Variants in CDH8 observed in about 807,000 individuals in gnomAD.
The protein encoded by CDH8 is cadherin 8, also known as cadherin-8.
CDH8 carries 17 observed loss-of-function variants against 68.1 expected under a neutral mutation model. That is an observed-to-expected ratio of 0.25 (90% CI 0.17 to 0.37). The LOEUF (loss-of-function observed/expected upper bound fraction) is 0.37. Among genes scored for constraint, CDH8 ranks in the 10% least tolerant of loss-of-function variants. The pLI, the probability that CDH8 is intolerant of heterozygous loss-of-function variation, is 1.00. For missense variants in CDH8, 763 were observed against 999.3 expected, an observed-to-expected ratio of 0.76 and a Z score of 3.19; for synonymous variants, 372 against 365.1, an observed-to-expected ratio of 1.02 and a Z score of -0.21.
At chr16:62,033,766 C>A (rs572254112) in intron 1 of CDH8, among the ~76,000 whole-genome samples, 1 of 151,982 alleles carries the variant, frequency 6.6e-6, no homozygotes, top group Admixed American at 6.6e-5. Context: ...TGAACTGCCA[C>A]GGAAGGGCTC....
At chr16:61,763,925 A>T (rs1960528147) in intron 8 of CDH8, among the ~76,000 whole-genome samples, 1 of 152,186 alleles carries the variant, frequency 6.6e-6, no homozygotes, top group Admixed American at 6.6e-5. Flanking sequence ...TTCATTAATA[A>T]TAGTTAACAA....
At chr16:61,743,247 A>C (rs541152223) in intron 8 of CDH8, 1 of 152,140 alleles carries the variant, frequency 6.6e-6, no homozygotes, top group Non-Finnish European at 1.5e-5. Context: ...GAAGCTTGAG[A>C]CCGTGTCTGA....
intron 2 of CDH8, among the ~76,000 whole-genome samples, chr16:61,976,240 T>C (rs986498194): frequency 5.9e-5 from 9 of 152,228 alleles, no homozygotes; most frequent in Non-Finnish European, 2.9e-5. Flanking sequence ...TCTCTGACTC[T>C]TAGCTTGCAA....
At chr16:61,929,390 A>T (rs1385377359) in intron 2 of CDH8, among the ~76,000 whole-genome samples, 1 of 152,166 alleles carries the variant, frequency 6.6e-6, no homozygotes, top group Non-Finnish European at 1.5e-5. Flanking sequence ...CAAAACAAAA[A>T]TCTGACTACA....
chr16:62,005,751 A>G (rs1356828482), intron 2 of CDH8, among the ~76,000 whole-genome samples: 1 of 150,222 alleles, frequency 6.7e-6, no homozygotes, highest in East Asian at 2.0e-4. Context: ...AAAAAAAAAA[A>G]AAAAAACATT....
At chr16:61,944,708 G>A (rs1223242662) in intron 2 of CDH8, among the ~76,000 whole-genome samples, 2 of 152,116 alleles carry the variant, frequency 1.3e-5, no homozygotes, top group African/African-American at 4.8e-5. Flanking sequence ...TTAAGAGCTG[G>A]AGGCAGAAGA....
chr16:61,755,496 A>G (rs955926680), intron 8 of CDH8, among the ~76,000 whole-genome samples: 1 of 152,136 alleles, frequency 6.6e-6, no homozygotes, highest in African/African-American at 2.4e-5. Context: ...TCAGTTAAAT[A>G]TTTCAAAATA....
chr16:61,772,717 C>T (rs1012028289), intron 8 of CDH8, among the ~76,000 whole-genome samples: 12 of 151,970 alleles, frequency 7.9e-5, no homozygotes, highest in East Asian at 7.7e-4. Flanking sequence ...ATTAAGACTG[C>T]GGGGATTATA....
chr16:61,855,321 T>C (rs1419049290), intron 4 of CDH8, among the ~76,000 whole-genome samples: 1 of 152,192 alleles, frequency 6.6e-6, no homozygotes, highest in African/African-American at 2.4e-5. Context: ...CTGAAACTTA[T>C]AATTGTCCAA....
At chr16:61,850,045 T>C (rs1821723) in intron 4 of CDH8, among the ~76,000 whole-genome samples, 31,216 of 152,016 alleles carry the variant, frequency 0.21, 3,540 homozygotes, top group African/African-American at 0.31. Context: ...TGGACTTATA[T>C]ACTATCCATT....
At chr16:61,891,873 G>T (rs566724377) in intron 3 of CDH8, among the ~76,000 whole-genome samples, 1 of 152,170 alleles carries the variant, frequency 6.6e-6, no homozygotes, top group Admixed American at 6.5e-5. Context: ...TTCCCACTTT[G>T]CATCTCTCCT....
chr16:61,849,179 T>A (rs527242787), intron 4 of CDH8, among the ~76,000 whole-genome samples: 12 of 152,160 alleles, frequency 7.9e-5, no homozygotes, highest in Admixed American at 7.2e-4. Context: ...AAAACAATAA[T>A]AGTATCATAT....
At chr16:61,898,044 G>A (rs1963900194) in intron 3 of CDH8, among the ~76,000 whole-genome samples, 1 of 152,120 alleles carries the variant, frequency 6.6e-6, no homozygotes, top group African/African-American at 2.4e-5. Flanking sequence ...GTTCACAACT[G>A]TAATCCCAGC....
intron 4 of CDH8, among the ~76,000 whole-genome samples, chr16:61,828,419 G>A (rs1962389311): frequency 6.6e-6 from 1 of 151,778 alleles, no homozygotes; most frequent in Non-Finnish European, 1.5e-5. Flanking sequence ...GACTTGCCCT[G>A]ACTTCTTTCT....
At chr16:61,813,469 G>A (rs976033157) in intron 7 of CDH8, among the ~76,000 whole-genome samples, 1 of 152,152 alleles carries the variant, frequency 6.6e-6, no homozygotes, top group African/African-American at 2.4e-5. Flanking sequence ...TCTCCGGCCT[G>A]CCCCGCAAGT....
chr16:61,799,678 A>G (rs1028604487), intron 7 of CDH8, among the ~76,000 whole-genome samples: 6 of 152,196 alleles, frequency 3.9e-5, no homozygotes. Context: ...CCATTTTGGT[A>G]AAAATTGTTT....
chr16:61,653,236 C>T lies in CDH8; in HGVS notation c.*372G>A. The T allele has an allele frequency of 8.4e-7, 1 of 1,186,554 alleles. No homozygotes were observed. Among genetic ancestry groups the T allele is most frequent in the African/African-American group, 1.6e-5 (1 of 63,424 alleles). 73.5% of individuals were successfully genotyped at this position (1,186,554 alleles called of 1,614,324 possible). On this transcript the variant is annotated 3_prime_UTR_variant, in exon 12 of 12. Coordinates refer to ENST00000577390, the MANE Select transcript of CDH8 (RefSeq NM_001796.5). ...GAAGACACATATCAGCAGCAGATTC[C>T]TTGCAGGTCCGTATTTTTTTTTCTA...
At chr16:61,792,257 GC>G (rs1961395584) in intron 7 of CDH8, among the ~76,000 whole-genome samples, 1 of 151,924 alleles carries the variant, frequency 6.6e-6, no homozygotes, top group Non-Finnish European at 1.5e-5. Flanking sequence ...TATAAATACA[GC>G]CCTTTAGTGA....
intron 4 of CDH8, among the ~76,000 whole-genome samples, chr16:61,848,298 G>A (rs1334921719): frequency 6.6e-6 from 1 of 152,058 alleles, no homozygotes; most frequent in Admixed American, 6.6e-5. Flanking sequence ...ATACTGAGGT[G>A]GCTGTGTAGT....
Sources: gnomAD v4.1 joint callset for allele counts (sites outside exome capture counted in the v4.1 genomes callset) on GRCh38, gnomAD v4.1.1 for gene constraint, MANE v1.5 for transcripts, NCBI Gene and HGNC (gene_info 2026-07-23, HGNC 2026-07-21) for gene names.